The following SCHIP1 variants were observed in gnomAD, a reference collection of about 807,000 sequenced individuals.
SCHIP1 encodes the protein schwannomin interacting protein 1, also known as schwannomin-interacting protein 1.
Under a neutral mutation model 29.7 loss-of-function variants are expected in SCHIP1, and 8 were observed. The ratio of observed to expected loss-of-function variants is 0.27; its 90% CI spans 0.16 to 0.49. SCHIP1 has a LOEUF of 0.49. Among genes scored for constraint, SCHIP1 ranks in the 20% least tolerant of loss-of-function variants. The pLI, the probability that SCHIP1 is intolerant of heterozygous loss-of-function variation, is 0.99. For missense variants in SCHIP1, 193 were observed against 294.6 expected (o/e 0.66, Z 2.52); for synonymous variants, 76 against 94.9 (o/e 0.80, Z 1.16).
At chr3:159,591,308 AC>A in the SCHIP1 span, among the ~76,000 whole-genome samples, 2 of 152,082 alleles carry the variant, frequency 1.3e-5, no homozygotes, top group Non-Finnish European at 2.9e-5. Flanking sequence ...CTATGTTTTT[AC>A]ACTGCTGGTG....
At chr3:159,716,152 G>A in the SCHIP1 span, among the ~76,000 whole-genome samples, 1 of 152,300 alleles carries the variant, frequency 6.6e-6, no homozygotes, top group African/African-American at 2.4e-5. Flanking sequence ...GCCAAACTAA[G>A]CTTCATACGT....
the SCHIP1 span, among the ~76,000 whole-genome samples, chr3:159,636,211 C>A: frequency 6.6e-6 from 1 of 152,128 alleles, no homozygotes; most frequent in Non-Finnish European, 1.5e-5. Context: ...CCATGCCCGG[C>A]TAATTTTTGT....
chr3:159,446,437 A>ATTGTTGCAATACAGCAATACAG, the SCHIP1 span, among the ~76,000 whole-genome samples: 6 of 126,288 alleles, frequency 4.8e-5, no homozygotes, highest in Admixed American at 3.2e-4. Context: ...CAGCAATACA[A>ATTGTTGCAATACAGCAATACAG]TATTGTTGCA....
chr3:159,716,851 A>T, the SCHIP1 span, among the ~76,000 whole-genome samples: 1 of 152,194 alleles, frequency 6.6e-6, no homozygotes. Flanking sequence ...GTTAAAAAGG[A>T]TATCCAGGAA....
At chr3:159,589,130 T>C in the SCHIP1 span, among the ~76,000 whole-genome samples, 2 of 152,196 alleles carry the variant, frequency 1.3e-5, no homozygotes, top group African/African-American at 4.8e-5. Flanking sequence ...TTGTGTCCTG[T>C]TTTATTTCGC....
chr3:159,872,568 G>C (rs138927231), intron 2 of SCHIP1, among the ~76,000 whole-genome samples: 85 of 152,268 alleles, frequency 5.6e-4, no homozygotes, highest in Admixed American at 8.5e-4. Flanking sequence ...AGCTACACTT[G>C]TTGACTCACC....
At chr3:159,367,109 A>G in the SCHIP1 span, among the ~76,000 whole-genome samples, 1 of 152,142 alleles carries the variant, frequency 6.6e-6, no homozygotes, top group African/African-American at 2.4e-5. Flanking sequence ...CCTCTTTGCC[A>G]TACCCAACCT....
At chr3:159,637,371 CCACACACACACACACACACACACACACA>C in the SCHIP1 span, among the ~76,000 whole-genome samples, 31 of 134,660 alleles carry the variant, frequency 2.3e-4, no homozygotes, top group African/African-American at 8.0e-4. Context: ...CCGGCCCCAG[CCACACACACACACACACACACACACACA>C]CACACACACA....
At chr3:159,851,559 C>CTTTTGTTA (rs1553795543) in intron 1 of SCHIP1, among the ~76,000 whole-genome samples, 3 of 152,086 alleles carry the variant, frequency 2.0e-5, no homozygotes, top group African/African-American at 7.2e-5. Context: ...TAAAGGGTAG[C>CTTTTGTTA]TGTTAATATA....
At chr3:159,506,540 C>T in the SCHIP1 span, among the ~76,000 whole-genome samples, 3 of 152,160 alleles carry the variant, frequency 2.0e-5, no homozygotes, top group Non-Finnish European at 4.4e-5. Context: ...AAGTCCTTGC[C>T]CATGCCTATG....
the SCHIP1 span, among the ~76,000 whole-genome samples, chr3:159,815,269 G>A: frequency 2.0e-5 from 3 of 152,182 alleles, no homozygotes; most frequent in Non-Finnish European, 2.9e-5. Context: ...ACTCATGATC[G>A]ATGTGTTTTT....
At chr3:159,682,281 A>G in the SCHIP1 span, among the ~76,000 whole-genome samples, 1 of 152,170 alleles carries the variant, frequency 6.6e-6, no homozygotes, top group Non-Finnish European at 1.5e-5. Context: ...TGTTAAGTAA[A>G]TATCAAGTAT....
the SCHIP1 span, among the ~76,000 whole-genome samples, chr3:159,655,688 G>T: frequency 6.6e-6 from 1 of 152,114 alleles, no homozygotes; most frequent in African/African-American, 2.4e-5. Context: ...AGGTGTTTGA[G>T]ACAAGCCTAG....
chr3:159,745,314 C>T, the SCHIP1 span, among the ~76,000 whole-genome samples: 128 of 152,268 alleles, frequency 8.4e-4, no homozygotes, highest in African/African-American at 2.9e-3. Context: ...CTCAAGGAGC[C>T]GGGTGTTTAA....
chr3:159,366,468 G>C, the SCHIP1 span, among the ~76,000 whole-genome samples: 1 of 152,218 alleles, frequency 6.6e-6, no homozygotes, highest in Non-Finnish European at 1.5e-5. Flanking sequence ...CCTTGTGTCA[G>C]CACTTGCGTC....
At chr3:159,329,572 G>C in the SCHIP1 span, among the ~76,000 whole-genome samples, 1 of 152,256 alleles carries the variant, frequency 6.6e-6, no homozygotes, top group East Asian at 1.9e-4. Context: ...AGGGCATGAG[G>C]ATTAAGTCTA....
the SCHIP1 span, among the ~76,000 whole-genome samples, chr3:159,590,338 G>A: frequency 6.6e-6 from 1 of 152,156 alleles, no homozygotes; most frequent in Non-Finnish European, 1.5e-5. Flanking sequence ...CACTTTCAGA[G>A]GCGAAGGTGG....
chr3:159,327,931 T>A, the SCHIP1 span, among the ~76,000 whole-genome samples: 3 of 152,286 alleles, frequency 2.0e-5, no homozygotes, highest in Admixed American at 6.5e-5. Flanking sequence ...AGTGAAGTAG[T>A]TGAACAGAAT....
At chr3:159,774,603 G>T in the SCHIP1 span, among the ~76,000 whole-genome samples, 1 of 152,034 alleles carries the variant, frequency 6.6e-6, no homozygotes, top group Non-Finnish European at 1.5e-5. Flanking sequence ...GTAAAGTGTA[G>T]GTAGTTCAAA....
Sources: allele counts gnomAD v4.1 joint callset (sites outside exome capture counted in the v4.1 genomes callset), GRCh38; gene constraint gnomAD v4.1.1; transcripts MANE v1.5; gene names NCBI Gene and HGNC (gene_info 2026-07-23, HGNC 2026-07-21).